The following ABCB5 variants were observed in gnomAD, a reference collection of about 807,000 sequenced individuals.
The protein encoded by ABCB5 is ATP-binding cassette sub-family B member 5.
Under a neutral mutation model 144.2 loss-of-function variants are expected in ABCB5, and 155 were observed. The observed-to-expected ratio is 1.08, with a 90% CI of 0.94 to 1.23. ABCB5 has a LOEUF of 1.23. Ranked by LOEUF, ABCB5 falls within the 50% of genes most tolerant of loss-of-function variation. ABCB5 has a pLI of 0.00. For missense variants in ABCB5, 1,830 were observed against 1,520.8 expected (o/e 1.20, Z -3.38); for synonymous variants, 610 against 528.6 (o/e 1.15, Z -2.11).
At chr7:20,745,502 C>A in intron 26 of ABCB5, 64 bp downstream of exon 26, 1 of 1,437,928 alleles carries the variant, frequency 7.0e-7, no homozygotes, top group Non-Finnish European at 9.7e-7. Flanking sequence ...GCTACTGGGC[C>A]TATGCAGTTG....
chr7:20,673,560 C>G (rs192572587), intron 14 of ABCB5, among the ~76,000 whole-genome samples: 14 of 152,072 alleles, frequency 9.2e-5, no homozygotes, highest in African/African-American at 3.1e-4. Flanking sequence ...TCTGCTTTAT[C>G]TAATATTAAC....
At chr7:20,634,092 G>C (rs1001994196) in intron 5 of ABCB5, among the ~76,000 whole-genome samples, 4 of 151,390 alleles carry the variant, frequency 2.6e-5, no homozygotes, top group African/African-American at 9.7e-5. Flanking sequence ...ACATTATTTA[G>C]CTCCCACTTA....
intron 23 of ABCB5, among the ~76,000 whole-genome samples, chr7:20,731,672 C>T (rs756431381): frequency 2.6e-5 from 4 of 152,146 alleles, no homozygotes; most frequent in African/African-American, 9.7e-5. Context: ...CAAAGGTTAT[C>T]TTCCCCAAGA....
At chr7:20,747,503 C>T (rs1490954874) in intron 26 of ABCB5, among the ~76,000 whole-genome samples, 1 of 152,164 alleles carries the variant, frequency 6.6e-6, no homozygotes, top group Non-Finnish European at 1.5e-5. Flanking sequence ...AGCAATTTCA[C>T]CCACCTCGGT....
chr7:20,748,558 G>A (rs1431754880), intron 26 of ABCB5, among the ~76,000 whole-genome samples: 1 of 142,414 alleles, frequency 7.0e-6, no homozygotes, highest in Non-Finnish European at 1.5e-5. Flanking sequence ...GCTGAGGCAG[G>A]AGAATCACTT....
intron 14 of ABCB5, chr7:20,666,621 G>A: frequency 4.5e-6 from 5 of 1,122,700 alleles, no homozygotes; most frequent in Admixed American, 3.7e-5. Context: ...AAAAATGTCA[G>A]CAAAGTGTCA....
chr7:20,652,647 A>G (rs892392228), intron 13 of ABCB5, among the ~76,000 whole-genome samples: 5 of 152,238 alleles, frequency 3.3e-5, no homozygotes, highest in Non-Finnish European at 4.4e-5. Context: ...CAATATAGTA[A>G]GCTAAAATTA....
intron 20 of ABCB5, among the ~76,000 whole-genome samples, chr7:20,707,265 AG>A (rs1786853914): frequency 6.6e-6 from 1 of 152,218 alleles, no homozygotes; most frequent in South Asian, 2.1e-4. Flanking sequence ...ATGACTGTAA[AG>A]GTATTCCTCT....
At chr7:20,714,188 T>C (rs561942802) in intron 20 of ABCB5, among the ~76,000 whole-genome samples, 3 of 152,322 alleles carry the variant, frequency 2.0e-5, no homozygotes, top group South Asian at 2.1e-4. Context: ...AATCCTACCA[T>C]ATGGCATTTT....
At chr7:20,637,584 C>A (rs1357647480) in intron 5 of ABCB5, among the ~76,000 whole-genome samples, 1 of 151,988 alleles carries the variant, frequency 6.6e-6, no homozygotes, top group African/African-American at 2.4e-5. Flanking sequence ...CCATGCCTGG[C>A]TAATTTTGTA....
At chr7:20,641,810 G>C (rs1026566937) in intron 5 of ABCB5, 5 of 152,586 alleles carry the variant, frequency 3.3e-5, no homozygotes, top group Admixed American at 1.3e-4. Flanking sequence ...TGAATGGAAA[G>C]TACTTTTCTT....
chr7:20,729,692 A>G (rs2128051828), intron 23 of ABCB5, among the ~76,000 whole-genome samples: 1 of 152,338 alleles, frequency 6.6e-6, no homozygotes, highest in South Asian at 2.1e-4. Context: ...TTAGAACTGG[A>G]GAAATCCATA....
At chr7:20,722,629 G>C (rs1583451449) in intron 20 of ABCB5, among the ~76,000 whole-genome samples, 1 of 152,194 alleles carries the variant, frequency 6.6e-6, no homozygotes, top group South Asian at 2.1e-4. Context: ...AGACCAGCTT[G>C]GCCAACATGG....
At chr7:20,719,314 T>A (rs1350530119) in intron 20 of ABCB5, among the ~76,000 whole-genome samples, 1 of 152,168 alleles carries the variant, frequency 6.6e-6, no homozygotes, top group Non-Finnish European at 1.5e-5. Flanking sequence ...TGAAAGATGA[T>A]CCATAAAATG....
At position 20,648,006 on chromosome 7, in the gene ABCB5, AC is replaced by A; in HGVS notation, c.1136del (p.Pro379LeufsTer4). On this transcript the variant is annotated frameshift_variant, in exon 11 of 28. Coordinates refer to ENST00000404938, the MANE Select transcript of ABCB5 (RefSeq NM_001163941.2). LOFTEE classifies it high-confidence loss of function. ...IDNFSTAGYK[P>X]ESIEGTVEFK... ...ATAACTTTTCCACAGCTGGATATAA[AC>A]CTGAATCCATAGAAGGAACTGTGGA... 1.9e-6 allele frequency: 3 copies of A among 1,611,724 alleles called. No individual in the cohort carries two copies. The highest frequency in any genetic ancestry group is 2.5e-6 in the Non-Finnish European group (3 of 1,178,204).
At chr7:20,659,550 G>A (rs1276089315) in intron 14 of ABCB5, 14 of 999,258 alleles carry the variant, frequency 1.4e-5, no homozygotes, top group Non-Finnish European at 1.7e-5. Context: ...AAGTTTGAAC[G>A]CTTGTTTCCC....
intron 5 of ABCB5, among the ~76,000 whole-genome samples, chr7:20,635,303 T>A (rs766977249): frequency 3.3e-5 from 5 of 152,092 alleles, no homozygotes; most frequent in Non-Finnish European, 7.4e-5. Context: ...TTCGTTACTA[T>A]AGCCTTGTAG....
rs145867243 is a variant in ABCB5 at position 20,736,148 on chromosome 7, T to C, written c.2868-2835T>C. On this transcript the variant is annotated intron_variant, in intron 23 of 27. Transcript: ENST00000404938. ...ACTTACTGAGTAAGGACTTGGAAAG[T>C]TGTGATTTGACCTGCCGTGCTAATC... 4.6e-5 allele frequency among the ~76,000 whole-genome samples: 7 copies of C among 152,306 alleles called. No homozygotes were observed. The East Asian group carries it at 9.6e-4, about 21-fold the overall frequency.
At chr7:20,651,656 T>C (rs1784598248) in intron 13 of ABCB5, 33 bp downstream of exon 13, 3 of 1,604,496 alleles carry the variant, frequency 1.9e-6, no homozygotes, top group Non-Finnish European at 1.7e-6. Context: ...GTCCTTAGCT[T>C]ATGGTGGCAG....
Sources: gnomAD v4.1 joint callset for allele counts (sites outside exome capture counted in the v4.1 genomes callset) on GRCh38, gnomAD v4.1.1 for gene constraint, MANE v1.5 for transcripts, NCBI Gene and HGNC (gene_info 2026-07-23, HGNC 2026-07-21) for gene names.